NRXN1: variants seen among roughly 807,000 people sequenced by gnomAD.
NRXN1 encodes neurexin-1.
NRXN1 carries 39 observed loss-of-function variants against 150.9 expected under a neutral mutation model. That is an observed-to-expected ratio of 0.26 (90% CI 0.20 to 0.34). The LOEUF (loss-of-function observed/expected upper bound fraction) is 0.34, where lower values mean the gene tolerates loss of function less well. Among genes scored for constraint, NRXN1 ranks in the 10% least tolerant of loss-of-function variants. The probability of loss-of-function intolerance (pLI) is 1.00; values close to 1 mark genes in which losing one functional copy is unlikely to be tolerated. For missense variants in NRXN1, 1,815 were observed against 1,949.9 expected (o/e 0.93, Z 1.30); for synonymous variants, 924 against 757.0 (o/e 1.22, Z -3.62).
intron 15 of NRXN1, among the ~76,000 whole-genome samples, chr2:50,492,187 A>G (rs1246779899): frequency 1.3e-5 from 2 of 152,194 alleles, no homozygotes; most frequent in African/African-American, 4.8e-5. Context: ...CATTCCAGAG[A>G]GCAAATTTCT....
intron 5 of NRXN1, chr2:50,919,928 G>A: frequency 3.6e-6 from 1 of 274,782 alleles, no homozygotes; most frequent in South Asian, 3.2e-5. Context: ...TCATTTCCTT[G>A]TTATATGAAC....
intron 18 of NRXN1, among the ~76,000 whole-genome samples, chr2:50,110,491 C>CAAAAAAAAAAAA (rs5831088): frequency 8.2e-5 from 7 of 85,620 alleles, no homozygotes; most frequent in Non-Finnish European, 1.1e-4. Flanking sequence ...GACTCTGTCT[C>CAAAAAAAAAAAA]AAAAAAAAAA....
intron 18 of NRXN1, among the ~76,000 whole-genome samples, chr2:50,196,448 G>A (rs1268203414): frequency 1.3e-5 from 2 of 152,064 alleles, no homozygotes; most frequent in African/African-American, 2.4e-5. Context: ...ATTATCTAAT[G>A]TGCTAGTCAT....
At chr2:50,089,165 T>C (rs1051137223) in intron 19 of NRXN1, among the ~76,000 whole-genome samples, 2 of 152,226 alleles carry the variant, frequency 1.3e-5, no homozygotes, top group African/African-American at 2.4e-5. Flanking sequence ...TAGGTAAAGA[T>C]ACCAGTTTGG....
chr2:50,040,652 T>A (rs1690796391), intron 21 of NRXN1, among the ~76,000 whole-genome samples: 1 of 152,112 alleles, frequency 6.6e-6, no homozygotes, highest in South Asian at 2.1e-4. Context: ...CTAAACTATA[T>A]TGATTTGTTT....
chr2:50,131,188 G>A (rs970534283), intron 18 of NRXN1, among the ~76,000 whole-genome samples: 1 of 152,116 alleles, frequency 6.6e-6, no homozygotes, highest in Non-Finnish European at 1.5e-5. Context: ...CTGTAAACAT[G>A]TTCATTATTA....
chr2:50,536,411 T>C (rs2093260120), intron 10 of NRXN1, among the ~76,000 whole-genome samples: 1 of 152,220 alleles, frequency 6.6e-6, no homozygotes, highest in South Asian at 2.1e-4. Context: ...CTACATATGC[T>C]TGCTGCCCCT....
intron 18 of NRXN1, among the ~76,000 whole-genome samples, chr2:50,144,016 C>T (rs756877543): frequency 4.0e-4 from 60 of 151,854 alleles, no homozygotes; most frequent in Non-Finnish European, 6.0e-4. Context: ...AAACACTGGC[C>T]TGTGAAAGCT....
intron 5 of NRXN1, among the ~76,000 whole-genome samples, chr2:50,909,614 G>A (rs1174325436): frequency 1.3e-5 from 2 of 151,790 alleles, no homozygotes; most frequent in Non-Finnish European, 2.9e-5. Context: ...GAGGAATCTC[G>A]CCTTCCCCCA....
At chr2:50,982,927 C>T (rs1697068073) in intron 2 of NRXN1, among the ~76,000 whole-genome samples, 1 of 151,962 alleles carries the variant, frequency 6.6e-6, no homozygotes, top group African/African-American at 2.4e-5. Flanking sequence ...GAGTCATGAA[C>T]CACTTGTACC....
intron 17 of NRXN1, among the ~76,000 whole-genome samples, chr2:50,260,798 A>C (rs1027709556): frequency 1.8e-4 from 27 of 151,686 alleles, no homozygotes; most frequent in Admixed American, 6.6e-5. Flanking sequence ...CATATATTTG[A>C]AGCACAGATT....
chr2:50,869,269 A>C (rs1677411948), intron 5 of NRXN1, among the ~76,000 whole-genome samples: 1 of 151,786 alleles, frequency 6.6e-6, no homozygotes, highest in Non-Finnish European at 1.5e-5. Context: ...CTCTTATTCA[A>C]AGTTAAAAGG....
At chr2:50,953,605 G>A (rs1207278276) in intron 2 of NRXN1, among the ~76,000 whole-genome samples, 4 of 149,882 alleles carry the variant, frequency 2.7e-5, no homozygotes, top group Admixed American at 1.3e-4. Flanking sequence ...CACCCAGGCT[G>A]GAGTGCCATC....
chr2:50,520,367 G>A lies in NRXN1; in HGVS notation c.2374+8258C>T, dbSNP rs533309180. Among the ~76,000 whole-genome samples the A allele has an allele frequency of 5.9e-5, 9 of 151,590 alleles. No individual in the cohort carries two copies. In the East Asian group the frequency reaches 1.7e-3, roughly 29 times the overall value. ...GTGTAGCTTTATCCTAAATATTGGT[G>A]GGATTGGTTTAAATTATATTTTACT... On this transcript the variant is annotated intron_variant, in intron 12 of 22. Transcript: ENST00000401669.
intron 21 of NRXN1, among the ~76,000 whole-genome samples, chr2:50,004,720 A>C (rs1439010634): frequency 6.6e-6 from 1 of 152,172 alleles, no homozygotes; most frequent in Non-Finnish European, 1.5e-5. Context: ...TAATGTAGTT[A>C]AGTTGACACT....
intron 17 of NRXN1, among the ~76,000 whole-genome samples, chr2:50,440,416 A>G (rs189284163): frequency 1.1e-3 from 169 of 151,896 alleles, no homozygotes; most frequent in African/African-American, 3.7e-3. Flanking sequence ...TATTATTATT[A>G]TTATTATTTA....
intron 21 of NRXN1, among the ~76,000 whole-genome samples, chr2:49,950,550 G>A (rs1186489232): frequency 6.6e-6 from 1 of 151,890 alleles, no homozygotes; most frequent in Non-Finnish European, 1.5e-5. Flanking sequence ...TTGTGGTTCC[G>A]ATATGCAAAT....
intron 5 of NRXN1, among the ~76,000 whole-genome samples, chr2:50,746,519 C>T (rs1700043505): frequency 6.6e-6 from 1 of 151,862 alleles, no homozygotes; most frequent in African/African-American, 2.4e-5. Flanking sequence ...GATTATGATA[C>T]TACACTGCAG....
intron 17 of NRXN1, among the ~76,000 whole-genome samples, chr2:50,311,223 T>C (rs1305322251): frequency 6.6e-6 from 1 of 152,104 alleles, no homozygotes; most frequent in Non-Finnish European, 1.5e-5. Context: ...TTTCAAAGGT[T>C]GCTTAATCAA....
Sources: gnomAD v4.1 joint callset for allele counts (sites outside exome capture counted in the v4.1 genomes callset) on GRCh38, gnomAD v4.1.1 for gene constraint, MANE v1.5 for transcripts, NCBI Gene and HGNC (gene_info 2026-07-23, HGNC 2026-07-21) for gene names.